The following NEDD4L variants were observed in gnomAD, a reference collection of about 807,000 sequenced individuals.
NEDD4L encodes NEDD4 like E3 ubiquitin protein ligase, also known as E3 ubiquitin-protein ligase NEDD4-like.
Under a neutral mutation model 148.9 loss-of-function variants are expected in NEDD4L, and 54 were observed. That is an observed-to-expected ratio of 0.36 (90% CI 0.29 to 0.45). The LOEUF is 0.45. Among genes scored for constraint, NEDD4L ranks in the 20% least tolerant of loss-of-function variants. The probability of loss-of-function intolerance (pLI) is 1.00; values close to 1 mark genes in which losing one functional copy is unlikely to be tolerated. For missense variants in NEDD4L, 856 were observed against 1,233.8 expected, an observed-to-expected ratio of 0.69 and a Z score of 4.59; for synonymous variants, 433 against 440.7, an observed-to-expected ratio of 0.98 and a Z score of 0.22.
intron 1 of NEDD4L, among the ~76,000 whole-genome samples, chr18:58,148,104 C>T (rs1040783120): frequency 6.6e-6 from 1 of 151,518 alleles, no homozygotes; most frequent in African/African-American, 2.4e-5. Context: ...CCTGCTAGAG[C>T]TGCCATAACA....
intron 1 of NEDD4L, among the ~76,000 whole-genome samples, chr18:58,131,053 A>T (rs888600743): frequency 1.5e-5 from 2 of 134,002 alleles, no homozygotes; most frequent in Middle Eastern, 4.4e-3. Flanking sequence ...TTTGGCTGTG[A>T]TCTAGTGGAA....
At chr18:58,153,485 A>G (rs1191459782) in intron 1 of NEDD4L, among the ~76,000 whole-genome samples, 1 of 151,324 alleles carries the variant, frequency 6.6e-6, no homozygotes, top group African/African-American at 2.4e-5. Flanking sequence ...GATTACATGC[A>G]TGAGCCACCA....
chr18:58,269,169 G>A (rs56883467), intron 5 of NEDD4L, among the ~76,000 whole-genome samples: 5,316 of 152,124 alleles, frequency 0.035, 318 homozygotes, highest in African/African-American at 0.12. Flanking sequence ...TGCCCAAAGT[G>A]GGGGAAGAGA....
chr18:58,296,353 C>CT (rs1428669266), intron 5 of NEDD4L, among the ~76,000 whole-genome samples: 1 of 152,210 alleles, frequency 6.6e-6, no homozygotes, highest in Non-Finnish European at 1.5e-5. Context: ...TTGCCTATGA[C>CT]TGAGTTTCCC....
At chr18:58,166,812 G>T (rs1333498041) in intron 2 of NEDD4L, among the ~76,000 whole-genome samples, 1 of 152,132 alleles carries the variant, frequency 6.6e-6, no homozygotes, top group African/African-American at 2.4e-5. Flanking sequence ...AGTCCCCTGT[G>T]CTGTGGCCCT....
chr18:58,196,995 T>G (rs2040785097), intron 2 of NEDD4L, among the ~76,000 whole-genome samples: 1 of 152,170 alleles, frequency 6.6e-6, no homozygotes, highest in Non-Finnish European at 1.5e-5. Flanking sequence ...AAAGAACATT[T>G]GCCAGAAATC....
chr18:58,074,434 ATTTTT>A lies in NEDD4L; in HGVS notation c.48+29742_48+29746del, dbSNP rs544878321. On this transcript the variant is annotated intron_variant, in intron 1 of 30. Transcript: ENST00000400345. ...CCACCATGCCTGGCTAATTTTTTGT[ATTTTT>A]TTTTTTTTTTTTTTTAATAGAGTTG... Among the ~76,000 whole-genome samples the A allele has an allele frequency of 6.7e-3, 750 of 111,752 alleles. 9 individuals are homozygous for A. The highest frequency in any genetic ancestry group is 0.022 in the African/African-American group (684 of 31,486). 73.3% of individuals were successfully genotyped at this position (111,752 alleles called of 152,430 possible).
At chr18:58,220,500 T>G (rs965018943) in intron 2 of NEDD4L, among the ~76,000 whole-genome samples, 1 of 152,140 alleles carries the variant, frequency 6.6e-6, no homozygotes, top group African/African-American at 2.4e-5. Flanking sequence ...CTCTAAGCCT[T>G]CAGCAGTCCT....
At chr18:58,329,820 A>G (rs1437207470) in intron 10 of NEDD4L, among the ~76,000 whole-genome samples, 3 of 152,044 alleles carry the variant, frequency 2.0e-5, no homozygotes, top group South Asian at 2.1e-4. Context: ...TCAGTATGAA[A>G]ATCTTAAGAT....
chr18:58,251,146 C>T (rs1170574307), intron 4 of NEDD4L, among the ~76,000 whole-genome samples: 5 of 152,102 alleles, frequency 3.3e-5, no homozygotes, highest in South Asian at 2.1e-4. Context: ...TATAAAATTG[C>T]GTGATAGTTA....
intron 1 of NEDD4L, among the ~76,000 whole-genome samples, chr18:58,079,216 T>A (rs2083317565): frequency 6.6e-6 from 1 of 152,290 alleles, no homozygotes; most frequent in African/African-American, 2.4e-5. Flanking sequence ...TGTCTCTGAT[T>A]GTAATTTCCT....
At chr18:58,240,962 A>G (rs999690242) in intron 2 of NEDD4L, among the ~76,000 whole-genome samples, 1 of 152,036 alleles carries the variant, frequency 6.6e-6, no homozygotes, top group African/African-American at 2.4e-5. Context: ...GATGCACACC[A>G]CCACACCCAG....
chr18:58,155,713 T>C (rs878898592), intron 1 of NEDD4L, among the ~76,000 whole-genome samples: 1 of 152,148 alleles, frequency 6.6e-6, no homozygotes, highest in Admixed American at 6.5e-5. Context: ...AGGTGCCTGG[T>C]AGATAAATTA....
At chr18:58,335,075 G>A (rs535959180) in intron 12 of NEDD4L, among the ~76,000 whole-genome samples, 1 of 152,238 alleles carries the variant, frequency 6.6e-6, no homozygotes, top group East Asian at 1.9e-4. Context: ...CTGGAAACTG[G>A]TGATTCCTCC....
At chr18:58,291,847 G>C (rs1163031705) in intron 5 of NEDD4L, among the ~76,000 whole-genome samples, 3 of 152,026 alleles carry the variant, frequency 2.0e-5, no homozygotes, top group Non-Finnish European at 4.4e-5. Context: ...GATGTATTCA[G>C]TTTTCCCTTC....
intron 2 of NEDD4L, among the ~76,000 whole-genome samples, chr18:58,214,497 C>T (rs925633408): frequency 6.6e-6 from 1 of 152,112 alleles, no homozygotes; most frequent in Non-Finnish European, 1.5e-5. Flanking sequence ...ATAACAGCGC[C>T]TATCTGTTAC....
chr18:58,135,332 CAT>C (rs1360397339), intron 1 of NEDD4L, among the ~76,000 whole-genome samples: 1 of 152,208 alleles, frequency 6.6e-6, no homozygotes, highest in Non-Finnish European at 1.5e-5. Flanking sequence ...ACTTTAGCCT[CAT>C]GTGGTAGTTT....
chr18:58,073,918 G>A (rs937838634), intron 1 of NEDD4L, among the ~76,000 whole-genome samples: 4 of 152,300 alleles, frequency 2.6e-5, no homozygotes, highest in African/African-American at 7.2e-5. Context: ...ATACACCTAA[G>A]GTATTAGTAA....
intron 1 of NEDD4L, chr18:58,045,345 TG>T (rs2081526779): frequency 2.6e-6 from 1 of 391,754 alleles, no homozygotes; most frequent in Admixed American, 4.4e-5. Context: ...CCTGGAAACT[TG>T]GGGAGGAAGC....
Sources: gnomAD v4.1 joint callset for allele counts (sites outside exome capture counted in the v4.1 genomes callset) on GRCh38, gnomAD v4.1.1 for gene constraint, MANE v1.5 for transcripts, NCBI Gene and HGNC (gene_info 2026-07-23, HGNC 2026-07-21) for gene names.